The following VPS4B variants were observed in gnomAD, a reference collection of about 807,000 sequenced individuals.
VPS4B encodes the protein vacuolar protein sorting-associated protein 4B.
A neutral mutation model predicts 56.1 loss-of-function variants in VPS4B; 23 were observed. The observed-to-expected ratio is 0.41, with a 90% CI of 0.30 to 0.58. VPS4B has a LOEUF of 0.58. VPS4B is among the 20% of genes least tolerant of loss of function. The pLI is 0.29. For synonymous variants in VPS4B, 177 were observed against 186.0 expected (o/e 0.95, Z 0.39); for missense variants, 372 against 531.9 (o/e 0.70, Z 2.96).
chr18:63,408,291 T>C (rs372451953), intron 3 of VPS4B, among the ~76,000 whole-genome samples: 1 of 94,620 alleles, frequency 1.1e-5, no homozygotes, highest in African/African-American at 2.7e-5. Flanking sequence ...AACAATAACA[T>C]ATAAAGGGAG....
At chr18:63,413,484 A>T (rs1167322719) in intron 1 of VPS4B, among the ~76,000 whole-genome samples, 2 of 150,848 alleles carry the variant, frequency 1.3e-5, no homozygotes, top group African/African-American at 4.9e-5. Flanking sequence ...GGTTGCAGTG[A>T]GCCAAGATCA....
chr18:63,395,792 A>G (rs1321407865), intron 9 of VPS4B, among the ~76,000 whole-genome samples: 2 of 152,216 alleles, frequency 1.3e-5, no homozygotes, highest in African/African-American at 4.8e-5. Flanking sequence ...ACTTTATCTC[A>G]GCCACAGATG....
chr18:63,408,879 G>A (rs1278298353), intron 3 of VPS4B, among the ~76,000 whole-genome samples: 1 of 152,160 alleles, frequency 6.6e-6, no homozygotes, highest in East Asian at 1.9e-4. Flanking sequence ...ATCCTTACAG[G>A]GTTTTCAAGC....
In VPS4B at chr18:63,390,988, C is replaced by T. The variant is rs1174587685; in HGVS notation, c.1322G>A (p.Gly441Asp). The change falls in exon 11 of 11, where the codon GGT becomes GAT. Residue 441 changes from glycine (G) to aspartate (D), a missense_variant. Physicochemically the swap from Gly to Asp is moderately conservative, Grantham distance 94. This residue lies in a region of VPS4B where 153 missense variants were observed against 190.9 expected (regional missense o/e 0.80). Coordinates refer to ENST00000238497, the MANE Select transcript of VPS4B (RefSeq NM_004869.4). ...CTTGTCTTTGGCTTAGCCTTCTTGA[C>T]CAAAATCTTCTGTAAACTTCTTTAA... is the stretch of plus-strand genomic sequence containing the variant. ...LKLKKFTEDFGQEG is the reference protein window; with the variant it reads ...LKLKKFTEDFDQEG 6.2e-7 allele frequency: 1 copy of T among 1,611,816 alleles called. No individual in the cohort carries two copies. Among genetic ancestry groups the T allele is most frequent in the Non-Finnish European group, 8.5e-7 (1 of 1,178,396 alleles).
chr18:63,393,287 TCAA>T lies in VPS4B; in HGVS notation c.1233+119_1233+121del, dbSNP rs1915596163. 15 of 889,988 alleles carry T rather than the reference TCAA, an allele frequency of 1.7e-5. No individual in the cohort carries two copies. The South Asian group carries it at 5.0e-4, about 29-fold the overall frequency. 55.1% of individuals were successfully genotyped at this position (889,988 alleles called of 1,614,324 possible). A position where few individuals can be genotyped will look rare whatever the true frequency, so the allele number is the denominator to read the frequency against. On this transcript the variant is annotated intron_variant, in intron 10 of 10. Transcript: ENST00000238497. ...AATTAACTTCATAATTTTTAATGAGTCAACAATATTAAGTAAAATACACCTGTT... is the reference window on the plus strand; with the variant it reads ...AATTAACTTCATAATTTTTAATGAGTCAATATTAAGTAAAATACACCTGTT...
chr18:63,396,292 A>C (rs1302784290), intron 9 of VPS4B: 1 of 152,232 alleles, frequency 6.6e-6, no homozygotes, highest in Non-Finnish European at 1.5e-5. Flanking sequence ...TCACTGTGTC[A>C]CCCAGGCTGG....
intron 9 of VPS4B, among the ~76,000 whole-genome samples, chr18:63,395,690 G>A (rs948796224): frequency 6.6e-6 from 1 of 152,202 alleles, no homozygotes; most frequent in African/African-American, 2.4e-5. Context: ...AGTAATACTG[G>A]ATACTGTTGT....
chr18:63,411,422 T>C (rs1203380222), intron 2 of VPS4B, 45 bp downstream of exon 2: 2 of 1,364,154 alleles, frequency 1.5e-6, no homozygotes, highest in South Asian at 1.7e-5. Flanking sequence ...ACAGAATAAA[T>C]TTTCCTTTTC....
At chr18:63,413,345 C>T (rs113781567) in intron 1 of VPS4B, among the ~76,000 whole-genome samples, 2,929 of 152,184 alleles carry the variant, frequency 0.019, 92 homozygotes, top group African/African-American at 0.067. Flanking sequence ...TTGCGACCAG[C>T]GTGGGCAACA....
At chr18:63,419,689 C>T (rs1916251473) in intron 1 of VPS4B, among the ~76,000 whole-genome samples, 1 of 152,184 alleles carries the variant, frequency 6.6e-6, no homozygotes, top group South Asian at 2.1e-4. Context: ...ATGCCTACGT[C>T]ATGATATGAA....
At position 63,393,525 on chromosome 18, in the gene VPS4B, G is replaced by A. The variant is rs1474232084; in HGVS notation, c.1117C>T (p.Pro373Ser). Residue 373 changes from proline (P) to serine (S), a missense_variant, in exon 10 of 11, where the codon CCT (proline) becomes TCT (serine). Transcript: ENST00000238497. The stretch of plus-strand genomic sequence containing the variant: ...AGCAGATCATCTACAAGATGGTTAG[G>A]ATCAGCTCGGGAAGGTCCGCGAACC... ...KKVRGPSRAD[P>S]NHLVDDLLTP... 1 of 1,606,864 alleles carries A rather than the reference G, an allele frequency of 6.2e-7. No individual in the cohort carries two copies. Among genetic ancestry groups the A allele is most frequent in the South Asian group, 1.1e-5 (1 of 89,452 alleles).
chr18:63,400,292 G>A, intron 6 of VPS4B, 96 bp from the exon 7 acceptor site: 1 of 1,305,528 alleles, frequency 7.7e-7, no homozygotes, highest in South Asian at 1.6e-5. Flanking sequence ...AGATTAAAAA[G>A]CCTAATCATG....
At chr18:63,408,351 T>C (rs1464072220) in intron 3 of VPS4B, among the ~76,000 whole-genome samples, 2 of 152,184 alleles carry the variant, frequency 1.3e-5, no homozygotes, top group Non-Finnish European at 2.9e-5. Flanking sequence ...TTGGTTATCA[T>C]AGGACGGTGG....
intron 3 of VPS4B, among the ~76,000 whole-genome samples, chr18:63,409,622 TAAAC>T (rs1337950843): frequency 2.0e-5 from 3 of 152,182 alleles, no homozygotes; most frequent in Non-Finnish European, 2.9e-5. Context: ...ATGTACTGAA[TAAAC>T]AAATTCTGCA....
chr18:63,399,359 C>A, intron 7 of VPS4B, 36 bp from the exon 8 acceptor site: 1 of 1,578,440 alleles, frequency 6.3e-7, no homozygotes, highest in South Asian at 1.1e-5. Flanking sequence ...ATTAATTTGT[C>A]ATTTTGGTGT....
In VPS4B at chr18:63,410,380, GCTCT is replaced by G; in HGVS notation, c.202_205del (p.Arg68GlnfsTer4). ...TTTCAGGTACTCCTTTAGTTTTTCTGCTCTATCAAGATATTCTGTACACTTTGCC... is the reference window on the plus strand; with the variant it reads ...TTTCAGGTACTCCTTTAGTTTTTCTGATCAAGATATTCTGTACACTTTGCC... On this transcript the variant is annotated frameshift_variant, in exon 3 of 11. Transcript: ENST00000238497. LOFTEE classifies it high-confidence loss of function. 6.2e-7 allele frequency: 1 copy of G among 1,613,748 alleles called. No homozygotes were observed. Among genetic ancestry groups the G allele is most frequent in the Non-Finnish European group, 8.5e-7 (1 of 1,180,006 alleles).
In VPS4B at chr18:63,400,188, T is replaced by A. The variant is rs1568085412; in HGVS notation, c.650A>T (p.Lys217Met). 1 of 1,597,818 alleles carries A rather than the reference T, an allele frequency of 6.3e-7. No homozygotes were observed. The change falls in exon 7 of 11, where the codon AAG (lysine) becomes ATG (methionine). Residue 217 changes from lysine (K) to methionine (M), a missense_variant. Transcript: ENST00000238497. The part of the protein sequence containing the change: ...KWLGESEKLV[K>M]NLFQLARENK... Reference sequence around the variant, plus strand: ...CTCTCTGGCAAGTTGGAATAAATTCTTAACCAGTCTAAAAATAAATGAAAA... The same window carrying A: ...CTCTCTGGCAAGTTGGAATAAATTCATAACCAGTCTAAAAATAAATGAAAA...
intron 8 of VPS4B, among the ~76,000 whole-genome samples, chr18:63,397,938 C>G (rs368318707): frequency 3.9e-5 from 6 of 152,124 alleles, no homozygotes; most frequent in African/African-American, 1.4e-4. Flanking sequence ...ATACCCTGCA[C>G]ATTTCCTTTC....
intron 8 of VPS4B, among the ~76,000 whole-genome samples, chr18:63,398,936 T>C (rs1225382576): frequency 1.3e-5 from 2 of 152,198 alleles, no homozygotes; most frequent in Non-Finnish European, 2.9e-5. Flanking sequence ...TGTCAAACTA[T>C]GTTTATAAAT....
Sources: gnomAD v4.1 joint callset for allele counts (sites outside exome capture counted in the v4.1 genomes callset) on GRCh38, gnomAD v4.1.1 for gene constraint, gnomAD v4.1.1 regional missense constraint, MANE v1.5 for transcripts, NCBI Gene and HGNC (gene_info 2026-07-23, HGNC 2026-07-21) for gene names.